PRMT1: variants seen among roughly 807,000 people sequenced by gnomAD.
PRMT1 encodes protein arginine N-methyltransferase 1.
Under a neutral mutation model 47.4 loss-of-function variants are expected in PRMT1, and 5 were observed. The ratio of observed to expected loss-of-function variants is 0.11; its 90% CI spans 0.06 to 0.22. The LOEUF (loss-of-function observed/expected upper bound fraction) is 0.22. Ranked by LOEUF, PRMT1 falls within the 10% of genes least tolerant of loss-of-function variation. The pLI, the probability that PRMT1 is intolerant of heterozygous loss-of-function variation, is 1.00. For missense variants in PRMT1, 249 were observed against 518.4 expected, an observed-to-expected ratio of 0.48 and a Z score of 5.05; for synonymous variants, 227 against 204.6, an observed-to-expected ratio of 1.11 and a Z score of -0.94.
intron 10 of PRMT1, among the ~76,000 whole-genome samples, 171 bp downstream of exon 10, chr19:49,686,897 C>T (rs964646690): frequency 9.2e-5 from 14 of 151,912 alleles, no homozygotes; most frequent in Admixed American, 2.0e-4. Context: ...TCCCGGGTCC[C>T]CAAGCCCCTC....
In PRMT1 at chr19:49,688,085, C is replaced by G. The variant is rs1000295101; in HGVS notation, c.1033-77C>G. 1.6e-6 allele frequency: 2 copies of G among 1,275,034 alleles called. No homozygotes were observed. The highest frequency in any genetic ancestry group is 2.3e-5 in the East Asian group (1 of 43,314). 79.0% of individuals were successfully genotyped at this position (1,275,034 alleles called of 1,614,324 possible). A position where few individuals can be genotyped will look rare whatever the true frequency, so the allele number is the denominator to read the frequency against. On this transcript the variant is annotated intron_variant, in intron 10 of 10. Transcript: ENST00000454376. This position sits in a 1 kb window ranked among gnomAD's most constrained non-coding sequence, Gnocchi z 5.3. ...AGGAAGCTGGAGCCCGGCTCATCGT[C>G]GCATAGCCTGCCTGCACCCGCCCCC...
At chr19:49,677,237 A>AT (rs1555767585), upstream of PRMT1, 1 of 1,404,412 alleles carries the variant, frequency 7.1e-7, no homozygotes, top group Non-Finnish European at 9.3e-7. Flanking sequence ...GTGAGGAGAA[A>AT]GGGGGGGTCT....
Position 49,680,441 on chromosome 19 carries a change from G to A in PRMT1, c.91-46G>A. On this transcript the variant is annotated intron_variant, in intron 2 of 10. Coordinates refer to ENST00000454376, the MANE Select transcript of PRMT1 (RefSeq NM_001536.6). The surrounding 1 kb of genome is among the most constrained non-coding windows in gnomAD (Gnocchi z 4.2). ...GGGCGCTGGAGGTTTAAGAGGCTGT[G>A]GGGAGCCCCCAGATCTGACCCATGA... is the stretch of plus-strand genomic sequence containing the variant. The A allele has an allele frequency of 6.8e-7, 1 of 1,475,670 alleles. No homozygotes were observed. The allele number at this position is 1,475,670 out of a possible 1,614,324, so 91.4% of individuals were successfully genotyped here.
Position 49,677,331 on chromosome 19 carries a change from C to A in PRMT1, c.36+15C>A, listed in dbSNP as rs772868013. The A allele has an allele frequency of 9.3e-6, 13 of 1,390,852 alleles. No homozygotes were observed. In the South Asian group the frequency reaches 2.0e-4, roughly 22 times the overall value. 86.2% of individuals were successfully genotyped at this position (1,390,852 alleles called of 1,614,324 possible). On this transcript the variant is annotated intron_variant, in intron 1 of 10. Coordinates refer to ENST00000454376, the MANE Select transcript of PRMT1 (RefSeq NM_001536.6). ...GCATCATGGAGGTGAGCGCTTGGAG[C>A]GCCGCCGTGGGCGGGAGGCGGCTTT...
intron 5 of PRMT1, among the ~76,000 whole-genome samples, chr19:49,682,772 C>T (rs1395975521): frequency 2.0e-5 from 3 of 148,214 alleles, no homozygotes; most frequent in East Asian, 2.0e-4. Context: ...ATAGGTACAT[C>T]CCCAGCATTT....
Position 49,688,336 on chromosome 19 carries a change from A to T in PRMT1, c.*91A>T. 6.8e-6 allele frequency: 8 copies of T among 1,175,730 alleles called. No individual in the cohort carries two copies. The highest frequency in any genetic ancestry group is 2.4e-5 in the East Asian group (1 of 41,160). The allele number at this position is 1,175,730 out of a possible 1,614,324, so 72.8% of individuals were successfully genotyped here. ...CCTTCCTCTCCCTCCCTCCCGCAGA[A>T]GGGGGTTTTAGGGGCCTGGGCTGGG... On this transcript the variant is annotated 3_prime_UTR_variant, in exon 11 of 11. Coordinates refer to ENST00000454376, the MANE Select transcript of PRMT1 (RefSeq NM_001536.6). The surrounding 1 kb of genome is among the most constrained non-coding windows in gnomAD (Gnocchi z 5.3).
At position 49,685,139 on chromosome 19, in the gene PRMT1, G is replaced by T. The variant is rs2082185840; in HGVS notation, c.759+102G>T. The T allele has an allele frequency of 6.4e-7, 1 of 1,572,416 alleles. No individual in the cohort carries two copies. The highest frequency in any genetic ancestry group is 1.2e-5 in the South Asian group (1 of 86,936). ...TTTGGGGCCCAGAATGTTGGCCTGA[G>T]GTCTCAGAGCCTGATCTGCCAGCCA... On this transcript the variant is annotated intron_variant, in intron 8 of 10. Transcript: ENST00000454376. This position sits in a 1 kb window ranked among gnomAD's most constrained non-coding sequence, Gnocchi z 4.7.
Position 49,680,475 on chromosome 19 carries a change from G to T in PRMT1, c.91-12G>T, listed in dbSNP as rs2082101101. 1.2e-6 allele frequency: 2 copies of T among 1,606,270 alleles called. No homozygotes were observed. Among genetic ancestry groups the T allele is most frequent in the South Asian group, 1.1e-5 (1 of 90,952 alleles). On this transcript the variant is annotated splice_polypyrimidine_tract_variant and intron_variant, in intron 2 of 10. Coordinates refer to ENST00000454376, the MANE Select transcript of PRMT1 (RefSeq NM_001536.6). The surrounding 1 kb of genome is among the most constrained non-coding windows in gnomAD (Gnocchi z 4.2). ...CCAGATCTGACCCATGATCCCATCG[G>T]CCCCCTCCCAGGTGTCCTGTGGCCA...
In PRMT1 at chr19:49,681,880, C is replaced by G. The variant is rs1170239973; in HGVS notation, c.193-30C>G. ...CTCCAGCTGGGGATATGGGGCCCCT[C>G]ACGGCGTCTCTGTGCCATTCTTGCC... is the stretch of plus-strand genomic sequence containing the variant. On this transcript the variant is annotated intron_variant, in intron 3 of 10. Transcript: ENST00000454376. This position sits in a 1 kb window ranked among gnomAD's most constrained non-coding sequence, Gnocchi z 4.4. 8 of 1,595,628 alleles carry G rather than the reference C, an allele frequency of 5.0e-6. No individual in the cohort carries two copies. The African/African-American group carries it at 1.1e-4, about 21-fold the overall frequency.
chr19:49,679,700 C>G, intron 1 of PRMT1, 172 bp from the exon 2 acceptor site: 4 of 620,082 alleles, frequency 6.5e-6, no homozygotes, highest in Non-Finnish European at 6.0e-6. Flanking sequence ...CCTCACTTTT[C>G]CCACCCTTTC....
intron 5 of PRMT1, among the ~76,000 whole-genome samples, chr19:49,682,936 C>G (rs2082141829): frequency 1.3e-5 from 2 of 152,032 alleles, no homozygotes; most frequent in African/African-American, 4.8e-5. Flanking sequence ...CAGGCGCCAG[C>G]CACCACGCCC....
Position 49,684,702 on chromosome 19 carries a change from A to C in PRMT1, c.556-52A>C, listed in dbSNP as rs1221316143. On this transcript the variant is annotated intron_variant, in intron 6 of 10. Transcript: ENST00000454376. The surrounding 1 kb of genome is among the most constrained non-coding windows in gnomAD (Gnocchi z 6.2). ...AGGCCACATCTTGGAGGCAAGACTC[A>C]GGGTAGTGTTGCCAGGCCCCACCCT... 3.9e-6 allele frequency: 6 copies of C among 1,521,562 alleles called. No homozygotes were observed. In the South Asian group the frequency reaches 7.2e-5, roughly 18 times the overall value. 94.3% of individuals were successfully genotyped at this position (1,521,562 alleles called of 1,614,324 possible).
Position 49,688,120 on chromosome 19 carries a change from C to A in PRMT1, c.1033-42C>A. 6.3e-7 allele frequency: 1 copy of A among 1,576,034 alleles called. No individual in the cohort carries two copies. The highest frequency in any genetic ancestry group is 8.7e-7 in the Non-Finnish European group (1 of 1,145,582). ...GCCTGCACCCGCCCCCCGCCACCAC[C>A]TCCTGGTGGGTTCCGCCCTCATGCC... On this transcript the variant is annotated intron_variant, in intron 10 of 10. Transcript: ENST00000454376. This position sits in a 1 kb window ranked among gnomAD's most constrained non-coding sequence, Gnocchi z 5.3.
In PRMT1 at chr19:49,680,156, C is replaced by T. The variant is rs1242486773; in HGVS notation, c.90+231C>T. ...ACCTCCAACCCCCCTTTGCCCTTCCCTGTGTCTGCCCCCATTTTCCTTCCC... is the reference window on the plus strand; with the variant it reads ...ACCTCCAACCCCCCTTTGCCCTTCCTTGTGTCTGCCCCCATTTTCCTTCCC... On this transcript the variant is annotated intron_variant, in intron 2 of 10. Coordinates refer to ENST00000454376, the MANE Select transcript of PRMT1 (RefSeq NM_001536.6). The surrounding 1 kb of genome is among the most constrained non-coding windows in gnomAD (Gnocchi z 4.2). 4 of 1,537,342 alleles carry T rather than the reference C, an allele frequency of 2.6e-6. No homozygotes were observed. The highest frequency in any genetic ancestry group is 3.8e-5 in the Admixed American group (2 of 52,950).
Position 49,688,234 on chromosome 19 carries a change from C to A in PRMT1, c.1105C>A (p.Arg369=), listed in dbSNP as rs921452045. The change falls in exon 11 of 11, where the codon CGG becomes AGG. Residue 369 remains arginine (R), a synonymous_variant. Coordinates refer to ENST00000454376, the MANE Select transcript of PRMT1 (RefSeq NM_001536.6). This position sits in a 1 kb window ranked among gnomAD's most constrained non-coding sequence, Gnocchi z 5.3. The part of the protein sequence containing the change: ...LCELSCSTDY[R]MR ...CGAGCTGTCCTGCTCCACCGACTAC[C>A]GGATGCGCTGAGGCCCGGCTCTCCC... 6.2e-7 allele frequency: 1 copy of A among 1,613,920 alleles called. No individual in the cohort carries two copies. Among genetic ancestry groups the A allele is most frequent in the African/African-American group, 1.3e-5 (1 of 75,038 alleles).
In PRMT1 at chr19:49,688,282, G is replaced by A. The variant is rs911955866; in HGVS notation, c.*37G>A. ...CCCGCCCTGCACGAGCCCAGGGGCT[G>A]AGCGTTCCTAGGCGGTTTCGGGGCT... On this transcript the variant is annotated 3_prime_UTR_variant, in exon 11 of 11. Coordinates refer to ENST00000454376, the MANE Select transcript of PRMT1 (RefSeq NM_001536.6). This position sits in a 1 kb window ranked among gnomAD's most constrained non-coding sequence, Gnocchi z 5.3. The A allele has an allele frequency of 2.5e-6, 4 of 1,604,556 alleles. No individual in the cohort carries two copies. In the South Asian group the frequency reaches 3.3e-5, roughly 13 times the overall value.
At chr19:49,678,955 C>G (rs1027375679) in intron 1 of PRMT1, among the ~76,000 whole-genome samples, 3 of 149,966 alleles carry the variant, frequency 2.0e-5, no homozygotes, top group Non-Finnish European at 4.4e-5. Flanking sequence ...TTGATCTCGG[C>G]TCATTGCAAC....
chr19:49,686,687 C>T lies in PRMT1; in HGVS notation c.993C>T (p.Ile331=). 1 of 1,611,740 alleles carries T rather than the reference C, an allele frequency of 6.2e-7. No homozygotes were observed. ...TGACCGTGAAGACGGGCGAGGAGATCTTCGGCACCATCGGCATGCGGCCCA... is the reference window on the plus strand; with the variant it reads ...TGACCGTGAAGACGGGCGAGGAGATTTTCGGCACCATCGGCATGCGGCCCA... ...DYLTVKTGEE[I]FGTIGMRPNA... Residue 331 remains isoleucine (I), a synonymous_variant, in exon 10 of 11, where the codon ATC becomes ATT. Coordinates refer to ENST00000454376, the MANE Select transcript of PRMT1 (RefSeq NM_001536.6).
In PRMT1 at chr19:49,688,030, G is replaced by A. The variant is rs957951846; in HGVS notation, c.1033-132G>A. The A allele has an allele frequency of 2.4e-6, 2 of 829,858 alleles. No homozygotes were observed. The highest frequency in any genetic ancestry group is 4.2e-6 in the Non-Finnish European group (2 of 481,914). The allele number at this position is 829,858 out of a possible 1,614,324, so 51.4% of individuals were successfully genotyped here. On this transcript the variant is annotated intron_variant, in intron 10 of 10. Coordinates refer to ENST00000454376, the MANE Select transcript of PRMT1 (RefSeq NM_001536.6). This position sits in a 1 kb window ranked among gnomAD's most constrained non-coding sequence, Gnocchi z 5.3. ...CAGGGCAGCTGCTAGGGTGGGACCA[G>A]CAGTTGGGGTCTGCAGCGTGGAGAT...
Sources: gnomAD v4.1 joint callset for allele counts (sites outside exome capture counted in the v4.1 genomes callset) on GRCh38, gnomAD v4.1.1 for gene constraint, Gnocchi (gnomAD v3.1) non-coding constraint, MANE v1.5 for transcripts, NCBI Gene and HGNC (gene_info 2026-07-23, HGNC 2026-07-21) for gene names.